Variants in LYST observed in about 807,000 individuals in gnomAD.
LYST encodes the protein lysosomal trafficking regulator, also known as lysosomal-trafficking regulator.
Under a neutral mutation model 413.6 loss-of-function variants are expected in LYST, and 192 were observed. That is an observed-to-expected ratio of 0.46 (90% CI 0.41 to 0.52). The LOEUF is 0.52. Ranked by LOEUF, LYST falls within the 20% of genes least tolerant of loss-of-function variation. The pLI is 0.00. For synonymous variants in LYST, 1,525 were observed against 1,567.3 expected (o/e 0.97, Z 0.64); for missense variants, 3,815 against 4,499.9 (o/e 0.85, Z 4.35).
intron 21 of LYST, among the ~76,000 whole-genome samples, chr1:235,764,347 T>C (rs933315774): frequency 7.9e-5 from 12 of 152,148 alleles, no homozygotes; most frequent in African/African-American, 2.9e-4. Context: ...TACCCATCTT[T>C]GTAACTAACC....
chr1:235,748,231 A>G (rs1423721510), intron 28 of LYST, among the ~76,000 whole-genome samples: 1 of 152,224 alleles, frequency 6.6e-6, no homozygotes, highest in African/African-American at 2.4e-5. Context: ...CAATTTAAAT[A>G]TATGTCTAGC....
chr1:235,872,202 A>G (rs1680954882), intron 1 of LYST, among the ~76,000 whole-genome samples: 1 of 151,888 alleles, frequency 6.6e-6, no homozygotes, highest in South Asian at 2.1e-4. Flanking sequence ...AGGCTGAAGC[A>G]GGAGAATTGC....
At chr1:235,757,796 C>T (rs1021262213) in intron 23 of LYST, among the ~76,000 whole-genome samples, 2 of 152,004 alleles carry the variant, frequency 1.3e-5, no homozygotes, top group African/African-American at 4.8e-5. Flanking sequence ...GTGGCTAGTG[C>T]TGACTGTATT....
chr1:235,661,352 G>T lies in LYST; in HGVS notation c.*1588C>A, dbSNP rs771020498. 6.6e-6 allele frequency: 1 copy of T among 152,512 alleles called. No homozygotes were observed. The highest frequency in any genetic ancestry group is 1.5e-5 in the Non-Finnish European group (1 of 68,018). 9.4% of individuals were successfully genotyped at this position (152,512 alleles called of 1,614,324 possible). A position where few individuals can be genotyped will look rare whatever the true frequency, so the allele number is the denominator to read the frequency against. ...ATAGGGGACTAATTTAAAGTTCTCA[G>T]TAAAAAAATGAAAGCTAGACAATAG... On this transcript the variant is annotated 3_prime_UTR_variant, in exon 53 of 53. Transcript: ENST00000389793.
chr1:235,732,374 C>T (rs1430344478), intron 34 of LYST, among the ~76,000 whole-genome samples: 2 of 152,032 alleles, frequency 1.3e-5, no homozygotes, highest in Admixed American at 6.6e-5. Context: ...ATGTTCATAG[C>T]TCACTGTAGC....
At chr1:235,797,203 G>C (rs537681255) in intron 10 of LYST, among the ~76,000 whole-genome samples, 1 of 152,090 alleles carries the variant, frequency 6.6e-6, no homozygotes, top group East Asian at 1.9e-4. Context: ...CAAAAAAGGA[G>C]AACAACCCAA....
At chr1:235,704,181 T>C (rs1259309469) in intron 44 of LYST, among the ~76,000 whole-genome samples, 1 of 152,226 alleles carries the variant, frequency 6.6e-6, no homozygotes, top group African/African-American at 2.4e-5. Flanking sequence ...GTTGATTCCA[T>C]GTCTTTGCTA....
chr1:235,805,431 A>G (rs1672710426), intron 6 of LYST, among the ~76,000 whole-genome samples: 1 of 152,094 alleles, frequency 6.6e-6, no homozygotes, highest in African/African-American at 2.4e-5. Context: ...ATGGGTGATC[A>G]GTTTGGTAAA....
At chr1:235,737,528 G>A (rs938732492) in intron 31 of LYST, 1 of 152,170 alleles carries the variant, frequency 6.6e-6, no homozygotes, top group Non-Finnish European at 1.5e-5. Flanking sequence ...TCTTGGGAGG[G>A]AAGTTAGGTT....
At chr1:235,845,731 G>C (rs977466802) in intron 1 of LYST, among the ~76,000 whole-genome samples, 3 of 152,006 alleles carry the variant, frequency 2.0e-5, no homozygotes, top group Non-Finnish European at 4.4e-5. Flanking sequence ...CCACTTCCCT[G>C]ACAACCTTCA....
chr1:235,719,381 C>T (rs1314681346), intron 40 of LYST, among the ~76,000 whole-genome samples: 1 of 152,096 alleles, frequency 6.6e-6, no homozygotes, highest in Non-Finnish European at 1.5e-5. Context: ...ACAAAACATC[C>T]TAGGCTCACC....
chr1:235,793,321 T>C (rs924730052), intron 11 of LYST, among the ~76,000 whole-genome samples, 182 bp downstream of exon 11: 1 of 152,172 alleles, frequency 6.6e-6, no homozygotes, highest in African/African-American at 2.4e-5. Flanking sequence ...TGAAGTGAAA[T>C]GGTTAAAATA....
chr1:235,788,388 A>AT (rs1198587436), intron 13 of LYST, among the ~76,000 whole-genome samples: 1 of 151,978 alleles, frequency 6.6e-6, no homozygotes, highest in Admixed American at 6.6e-5. Flanking sequence ...GGGTTTCACT[A>AT]TGTTGGCCAG....
In LYST at chr1:235,809,292, A is replaced by C. The variant is rs550465065; in HGVS notation, c.1526T>G (p.Phe509Cys). The C allele has an allele frequency of 6.2e-7, 1 of 1,614,142 alleles. No homozygotes were observed. The highest frequency in any genetic ancestry group is 1.3e-5 in the African/African-American group (1 of 75,060). The change falls in exon 5 of 53, where the codon TTT becomes TGT. Residue 509 changes from phenylalanine to cysteine, a missense_variant. Around this residue, in one of 4 missense-constraint regions of LYST, gnomAD observed 1,648 missense variants for 1,810.3 expected, o/e 0.91. Transcript: ENST00000389793. This position sits in a 1 kb window ranked among gnomAD's most constrained non-coding sequence, Gnocchi z 4.0. The part of the protein sequence containing the change: ...KRHRRCEYSH[F>C]MHHHRDLSGL... ...TGAGAGATCTCGGTGATGATGCATA[A>C]AATGAGAATATTCACATCGTCTGTG...
intron 25 of LYST, among the ~76,000 whole-genome samples, chr1:235,754,189 T>C (rs545761155): frequency 2.0e-5 from 3 of 151,650 alleles, no homozygotes; most frequent in African/African-American, 7.2e-5. Context: ...ATGTAATCTG[T>C]CACTGAGAAT....
intron 4 of LYST, among the ~76,000 whole-genome samples, chr1:235,811,920 A>G (rs1184813653): frequency 6.6e-6 from 1 of 152,192 alleles, no homozygotes; most frequent in Non-Finnish European, 1.5e-5. Flanking sequence ...ATAAATAAGC[A>G]GAAAAACAGT....
intron 1 of LYST, among the ~76,000 whole-genome samples, chr1:235,864,779 G>C (rs1294946490): frequency 6.6e-6 from 1 of 152,080 alleles, no homozygotes; most frequent in African/African-American, 2.4e-5. Flanking sequence ...CAAAAAATTA[G>C]CCAAGCATGG....
At chr1:235,846,627 T>C (rs1027563166) in intron 1 of LYST, among the ~76,000 whole-genome samples, 2 of 151,588 alleles carry the variant, frequency 1.3e-5, no homozygotes, top group African/African-American at 2.4e-5. Flanking sequence ...CAAAAAATGA[T>C]ATAAGAAGTG....
chr1:235,798,591 A>C (rs1436796830), intron 10 of LYST, among the ~76,000 whole-genome samples: 1 of 50,966 alleles, frequency 2.0e-5, no homozygotes, highest in Non-Finnish European at 4.4e-5. Flanking sequence ...AAAAAAAAAA[A>C]AAAAAAAAAA....
Sources: allele counts gnomAD v4.1 joint callset (sites outside exome capture counted in the v4.1 genomes callset), GRCh38; gene constraint gnomAD v4.1.1; regional missense constraint gnomAD v4.1.1; non-coding constraint Gnocchi (gnomAD v3.1); transcripts MANE v1.5; gene names NCBI Gene and HGNC (gene_info 2026-07-23, HGNC 2026-07-21).